IL17REL: variants seen among roughly 807,000 people sequenced by gnomAD.
IL17REL encodes the protein interleukin-17 receptor E-like protein.
IL17REL carries 36 observed loss-of-function variants against 49.0 expected under a neutral mutation model. The observed-to-expected ratio is 0.73, with a 90% confidence interval of 0.56 to 0.97. IL17REL has a LOEUF of 0.97. Ranked by LOEUF, IL17REL falls within the 50% of genes least tolerant of loss-of-function variation. The pLI is 0.00. For synonymous variants in IL17REL, 206 were observed against 192.4 expected, an observed-to-expected ratio of 1.07 and a Z score of -0.58; for missense variants, 470 against 453.9, an observed-to-expected ratio of 1.04 and a Z score of -0.32.
chr22:50,008,624 G>A lies in IL17REL; in HGVS notation c.-42+13C>T, dbSNP rs1342014531. On this transcript the variant is annotated intron_variant, in intron 1 of 12. Coordinates refer to ENST00000341280, the Ensembl canonical transcript of IL17REL. ...CAGGCCCTGAGCATCCCCCGGGGCT[G>A]AGATGTACTCACGGTTCCTGTGGCT... 2 of 152,576 alleles carry A rather than the reference G, an allele frequency of 1.3e-5. No individual in the cohort carries two copies. Among genetic ancestry groups the A allele is most frequent in the Non-Finnish European group, 2.9e-5 (2 of 68,266 alleles). 9.5% of individuals were successfully genotyped at this position (152,576 alleles called of 1,614,324 possible).
chr22:50,006,480 G>A (rs1436980973), intron 1 of IL17REL, among the ~76,000 whole-genome samples: 2 of 152,080 alleles, frequency 1.3e-5, no homozygotes, highest in African/African-American at 2.4e-5. Context: ...GTGACGCTGT[G>A]GAGAGGGTGG....
upstream of IL17REL, among the ~76,000 whole-genome samples, chr22:50,010,689 C>T (rs973959856): frequency 3.2e-4 from 49 of 152,226 alleles, no homozygotes; most frequent in African/African-American, 1.1e-3. Context: ...CCCCGTGGCC[C>T]GAGTGTCTGG....
downstream of IL17REL, among the ~76,000 whole-genome samples, chr22:49,992,175 G>C (rs1385785148): frequency 6.6e-6 from 1 of 152,118 alleles, no homozygotes; most frequent in African/African-American, 2.4e-5. Context: ...ACAAATTTGT[G>C]GACACAAATT....
chr22:49,992,999 G>A (rs569223620), downstream of IL17REL, among the ~76,000 whole-genome samples: 8 of 152,176 alleles, frequency 5.3e-5, no homozygotes, highest in African/African-American at 1.2e-4. Flanking sequence ...CACCAGCCAC[G>A]CCCCCTCGCT....
upstream of IL17REL, among the ~76,000 whole-genome samples, chr22:50,011,249 G>A (rs1175220853): frequency 8.0e-6 from 1 of 124,312 alleles, no homozygotes; most frequent in Non-Finnish European, 1.7e-5. Context: ...CTCCCCTCCA[G>A]CACTTCCCCT....
At chr22:50,005,229 C>T (rs1286823545) in intron 1 of IL17REL, among the ~76,000 whole-genome samples, 1 of 152,098 alleles carries the variant, frequency 6.6e-6, no homozygotes, top group East Asian at 1.9e-4. Context: ...TTCATTGTTA[C>T]TGTGTGGAAA....
intron 9 of IL17REL, 32 bp downstream of exon 11, chr22:49,997,993 T>C (rs756202208): frequency 6.4e-7 from 1 of 1,565,272 alleles, no homozygotes; most frequent in Non-Finnish European, 8.6e-7. Flanking sequence ...CCTCCCCAAA[T>C]AGGGCACTGG....
Position 50,000,537 on chromosome 22 carries a change from G to A in IL17REL, c.275C>T (p.Thr92Ile), listed in dbSNP as rs367897070. 3.8e-5 allele frequency: 62 copies of A among 1,613,528 alleles called. No individual in the cohort carries two copies. The highest frequency in any genetic ancestry group is 4.6e-5 in the Non-Finnish European group (54 of 1,180,006). ...GCAGAAATGAGGGATGGTCCTCAGG[G>A]TGACATAGAGGTGCTGGGCCACGCT... Residue 92 changes from threonine (T) to isoleucine (I), a missense_variant, in exon 4 of 13, where the codon ACC becomes ATC. By Grantham distance (89) the Thr-to-Ile change is moderately conservative (BLOSUM62 -1). Transcript: ENST00000341280.
At chr22:49,993,625 C>T (rs1223997671), downstream of IL17REL, among the ~76,000 whole-genome samples, 7 of 152,184 alleles carry the variant, frequency 4.6e-5, no homozygotes, top group Admixed American at 1.3e-4. The surrounding 1 kb of genome is among the most constrained non-coding windows in gnomAD (Gnocchi z 6.0). Flanking sequence ...GAGATCTGAA[C>T]ACAGCCTCTT....
chr22:50,005,824 A>AAAAAT (rs68174138), intron 1 of IL17REL, among the ~76,000 whole-genome samples: 81,488 of 150,696 alleles, frequency 0.54, 22,495 homozygotes, highest in South Asian at 0.76. Flanking sequence ...CAGAAAATAA[A>AAAAAT]AAAATAAAAT....
chr22:50,003,703 C>T (rs576966765), intron 1 of IL17REL, among the ~76,000 whole-genome samples: 1 of 152,140 alleles, frequency 6.6e-6, no homozygotes, highest in South Asian at 2.1e-4. Flanking sequence ...TATCAGCAAA[C>T]AGGGAATGAA....
At position 49,998,327 on chromosome 22, in the gene IL17REL, G is replaced by A. The variant is rs201319456; in HGVS notation, c.602-18C>T. On this transcript the variant is annotated intron_variant, in intron 7 of 12. Coordinates refer to ENST00000341280, the Ensembl canonical transcript of IL17REL. ...CTCAGTGTCTGCAGGAACCCTCCCCGAAACACAGGTCAGTTGGGCCCTACC... is the reference window on the plus strand; with the variant it reads ...CTCAGTGTCTGCAGGAACCCTCCCCAAAACACAGGTCAGTTGGGCCCTACC... The A allele has an allele frequency of 3.8e-6, 6 of 1,584,176 alleles. No homozygotes were observed. Among genetic ancestry groups the A allele is most frequent in the East Asian group, 4.5e-5 (2 of 44,694 alleles).
Position 49,997,207 on chromosome 22 carries a change from AC to A in IL17REL, c.974+112del, listed in dbSNP as rs2061040822. 8.6e-6 allele frequency: 12 copies of A among 1,394,692 alleles called. No individual in the cohort carries two copies. In the East Asian group the frequency reaches 2.7e-4, roughly 32 times the overall value. The allele number at this position is 1,394,692 out of a possible 1,614,324, so 86.4% of individuals were successfully genotyped here. ...CATCCCTCCCTGCCAGGTAGACTAG[AC>A]CCTGGGTGGGCTCAGGGCCCGGGTG... On this transcript the variant is annotated intron_variant, in intron 11 of 12. Transcript: ENST00000341280.
At chr22:50,012,308 G>A (rs1446920356), upstream of IL17REL, among the ~76,000 whole-genome samples, 1 of 152,230 alleles carries the variant, frequency 6.6e-6, no homozygotes, top group African/African-American at 2.4e-5. Context: ...GAGGTCACAG[G>A]TGGGTCCGAG....
chr22:49,997,818 A>G, intron 9 of IL17REL, 76 bp from the exon 12 acceptor site: 2 of 1,503,380 alleles, frequency 1.3e-6, no homozygotes, highest in Non-Finnish European at 1.9e-6. Flanking sequence ...AGGGACAGGG[A>G]CAGGCTGGGT....
intron 10 of IL17REL, 97 bp downstream of exon 12, chr22:49,997,588 G>C (rs928363321): frequency 6.9e-7 from 1 of 1,442,704 alleles, no homozygotes; most frequent in Non-Finnish European, 9.7e-7. Context: ...CCCCACACTG[G>C]CTTGGCACCG....
intron 7 of IL17REL, among the ~76,000 whole-genome samples, 198 bp from the exon 10 acceptor site, chr22:49,998,507 C>T (rs574683139): frequency 6.6e-5 from 10 of 150,866 alleles, no homozygotes; most frequent in South Asian, 2.1e-4. Flanking sequence ...TGCATGGGTG[C>T]GTGCGCCTAT....
At chr22:49,999,220 T>C (rs1488342137) in intron 7 of IL17REL, 71 bp downstream of exon 9, 3 of 1,559,260 alleles carry the variant, frequency 1.9e-6, no homozygotes, top group Non-Finnish European at 2.7e-6. Flanking sequence ...CCCACGTCAG[T>C]CCTCATGGTG....
downstream of IL17REL, among the ~76,000 whole-genome samples, chr22:49,991,993 A>G (rs1235471587): frequency 6.6e-6 from 1 of 152,186 alleles, no homozygotes; most frequent in Admixed American, 6.5e-5. Flanking sequence ...GAAAAGTGGG[A>G]CAATTCAAAT....
Sources: allele counts gnomAD v4.1 joint callset (sites outside exome capture counted in the v4.1 genomes callset), GRCh38; gene constraint gnomAD v4.1.1; non-coding constraint Gnocchi (gnomAD v3.1); transcripts MANE v1.5; gene names NCBI Gene and HGNC (gene_info 2026-07-23, HGNC 2026-07-21).